Variants in PLAAT1 observed in about 807,000 individuals in gnomAD.
PLAAT1 encodes the protein phospholipase A and acyltransferase 1, also known as H-REV107 protein-related protein.
PLAAT1 carries 13 observed loss-of-function variants against 16.4 expected under a neutral mutation model. The observed-to-expected ratio is 0.79, with a 90% CI of 0.52 to 1.26. The LOEUF is 1.26. PLAAT1 is among the 50% of genes most tolerant of loss of function. PLAAT1 has a pLI of 0.00. For synonymous variants in PLAAT1, 73 were observed against 78.4 expected, an observed-to-expected ratio of 0.93 and a Z score of 0.36; for missense variants, 218 against 207.8, an observed-to-expected ratio of 1.05 and a Z score of -0.30.
At chr3:193,280,227 G>T (rs1247806629), downstream of PLAAT1, among the ~76,000 whole-genome samples, 2 of 151,858 alleles carry the variant, frequency 1.3e-5, no homozygotes, top group African/African-American at 4.8e-5. Context: ...AATTTTTTTT[G>T]TATTTTCCAT....
chr3:193,276,196 T>C (rs1246355491), intron 2 of PLAAT1, among the ~76,000 whole-genome samples: 1 of 152,168 alleles, frequency 6.6e-6, no homozygotes, highest in Non-Finnish European at 1.5e-5. Flanking sequence ...TGAGTTAAAA[T>C]AAAACTCTCC....
downstream of PLAAT1, chr3:193,270,892 T>G: frequency 5.6e-6 from 7 of 1,242,220 alleles, no homozygotes; most frequent in Middle Eastern, 3.2e-4. Flanking sequence ...CCTGCTAGCA[T>G]AGATGTACTG....
At chr3:193,250,191 G>T (rs779447645) in intron 1 of PLAAT1, among the ~76,000 whole-genome samples, 1 of 152,066 alleles carries the variant, frequency 6.6e-6, no homozygotes, top group African/African-American at 2.4e-5. Context: ...CTTTGTGCTT[G>T]TAAAATCTGC....
chr3:193,272,887 T>C (rs1249706225), downstream of PLAAT1, among the ~76,000 whole-genome samples: 1 of 152,256 alleles, frequency 6.6e-6, no homozygotes, highest in Non-Finnish European at 1.5e-5. Flanking sequence ...ACTGTCCAGC[T>C]TGTTTTTCCT....
downstream of PLAAT1, among the ~76,000 whole-genome samples, chr3:193,273,924 A>G (rs1369372187): frequency 6.6e-6 from 1 of 152,102 alleles, no homozygotes; most frequent in Non-Finnish European, 1.5e-5. Context: ...AAGATGAGTA[A>G]TGTTGAGTTC....
upstream of PLAAT1, chr3:193,241,118 CGG>C: frequency 1.2e-6 from 1 of 849,728 alleles, no homozygotes; most frequent in East Asian, 3.8e-5. Context: ...TGCAGTTCCC[CGG>C]CGGGCGGGCG....
intron 2 of PLAAT1, among the ~76,000 whole-genome samples, chr3:193,256,852 G>T (rs1015126137): frequency 7.9e-5 from 12 of 152,122 alleles, no homozygotes; most frequent in African/African-American, 2.9e-4. Flanking sequence ...GTAGACAATG[G>T]CATATTTTCA....
At chr3:193,278,860 G>C (rs560039305), downstream of PLAAT1, among the ~76,000 whole-genome samples, 4 of 152,028 alleles carry the variant, frequency 2.6e-5, no homozygotes, top group South Asian at 8.3e-4. Context: ...CACAATACGG[G>C]GTCCAAGAAT....
intron 1 of PLAAT1, among the ~76,000 whole-genome samples, chr3:193,255,059 C>G (rs1716323402): frequency 6.6e-6 from 1 of 152,086 alleles, no homozygotes; most frequent in Admixed American, 6.6e-5. Context: ...ATGTTAGCAT[C>G]CACCCCTACC....
chr3:193,263,093 A>C lies in PLAAT1; in HGVS notation c.263A>C (p.Glu88Ala). ...TACAGAATAAACAATAAATACGATG[A>C]AACGTACCCCCCTCTCCCTGTGGAA... Reference protein sequence around the residue: ...DTYRINNKYDETYPPLPVEEI... With the variant: ...DTYRINNKYDATYPPLPVEEI... The change falls in exon 3 of 4, where the codon GAA becomes GCA. Residue 88 changes from glutamate (E) to alanine (A), a missense_variant. Transcript: ENST00000264735. 5 of 1,614,188 alleles carry C rather than the reference A, an allele frequency of 3.1e-6. No individual in the cohort carries two copies. Among genetic ancestry groups the C allele is most frequent in the Non-Finnish European group, 4.2e-6 (5 of 1,180,040 alleles).
chr3:193,250,710 A>G (rs914377571), intron 1 of PLAAT1, among the ~76,000 whole-genome samples: 2 of 152,080 alleles, frequency 1.3e-5, no homozygotes, highest in African/African-American at 4.8e-5. Context: ...ACAAGCAGAA[A>G]TCTCACACCC....
At chr3:193,244,551 TCAAA>T (rs1436809222) in intron 1 of PLAAT1, among the ~76,000 whole-genome samples, 1 of 146,126 alleles carries the variant, frequency 6.8e-6, no homozygotes, top group Non-Finnish European at 1.5e-5. Flanking sequence ...ATAGAAATAA[TCAAA>T]CTAATGTATT....
At chr3:193,255,508 A>C in intron 1 of PLAAT1, 143 bp from the exon 2 acceptor site, 1 of 749,594 alleles carries the variant, frequency 1.3e-6, no homozygotes, top group South Asian at 2.9e-5. Context: ...ATTCAAAGAA[A>C]AGGACAGGGT....
intron 1 of PLAAT1, among the ~76,000 whole-genome samples, chr3:193,245,552 C>T (rs1400120361): frequency 6.6e-6 from 1 of 152,128 alleles, no homozygotes; most frequent in African/African-American, 2.4e-5. Flanking sequence ...TGGTTATATA[C>T]CCAGAAGGAT....
chr3:193,263,419 G>C (rs1370915941), intron 3 of PLAAT1, among the ~76,000 whole-genome samples, 184 bp downstream of exon 3: 2 of 152,136 alleles, frequency 1.3e-5, no homozygotes, highest in East Asian at 3.8e-4. Flanking sequence ...ACTAAAACAT[G>C]AATATTATGA....
At chr3:193,264,129 A>G (rs1031086057) in intron 3 of PLAAT1, among the ~76,000 whole-genome samples, 1 of 152,224 alleles carries the variant, frequency 6.6e-6, no homozygotes, top group African/African-American at 2.4e-5. Context: ...TAATACCATA[A>G]TATTTTAATA....
At chr3:193,276,828 C>T in intron 2 of PLAAT1, 1 of 1,612,148 alleles carries the variant, frequency 6.2e-7, no homozygotes, top group Non-Finnish European at 8.5e-7. Context: ...TGGTTGGGAT[C>T]AACTGTTGAA....
chr3:193,261,392 CAAAT>C (rs777387606), intron 2 of PLAAT1, among the ~76,000 whole-genome samples: 2 of 151,516 alleles, frequency 1.3e-5, no homozygotes, highest in Non-Finnish European at 1.5e-5. Context: ...ATGCAGATAA[CAAAT>C]AAATAACCTG....
chr3:193,257,645 A>C (rs6774968), intron 2 of PLAAT1, among the ~76,000 whole-genome samples: 68 of 152,278 alleles, frequency 4.5e-4, no homozygotes, highest in African/African-American at 1.6e-3. Context: ...TGTCAACATG[A>C]TTGGATTGAA....
Sources: gnomAD v4.1 joint callset for allele counts (sites outside exome capture counted in the v4.1 genomes callset) on GRCh38, gnomAD v4.1.1 for gene constraint, MANE v1.5 for transcripts, NCBI Gene and HGNC (gene_info 2026-07-23, HGNC 2026-07-21) for gene names.